The following FSD1L variants were observed in gnomAD, a reference collection of about 807,000 sequenced individuals.
The protein encoded by FSD1L is FSD1-like protein.
A neutral mutation model predicts 71.6 loss-of-function variants in FSD1L; 45 were observed. The ratio of observed to expected loss-of-function variants is 0.63; its 90% CI spans 0.49 to 0.81. The LOEUF (loss-of-function observed/expected upper bound fraction) is 0.81, where lower values mean the gene tolerates loss of function less well. Ranked by LOEUF, FSD1L falls within the 30% of genes least tolerant of loss-of-function variation. FSD1L has a pLI of 0.00. For synonymous variants in FSD1L, 197 were observed against 207.2 expected (o/e 0.95, Z 0.42); for missense variants, 561 against 618.1 (o/e 0.91, Z 0.98).
chr9:105,508,323 G>A (rs1460206827), intron 8 of FSD1L, among the ~76,000 whole-genome samples: 1 of 151,642 alleles, frequency 6.6e-6, no homozygotes, highest in Non-Finnish European at 1.5e-5. Context: ...GACTACAGGC[G>A]CCCGCCACCA....
intron 10 of FSD1L, chr9:105,524,842 C>G: frequency 8.8e-6 from 14 of 1,591,696 alleles, no homozygotes; most frequent in Non-Finnish European, 1.2e-5. Context: ...GCTATGCTAA[C>G]AAGTCAGGTG....
chr9:105,461,663 CA>C, intron 2 of FSD1L, 48 bp downstream of exon 2: 1 of 1,129,822 alleles, frequency 8.9e-7, no homozygotes, highest in Non-Finnish European at 1.3e-6. Context: ...AGATCTGATT[CA>C]AAATTAGAGC....
Position 105,464,340 on chromosome 9 carries a change from G to A in FSD1L, c.207+9G>A, listed in dbSNP as rs1830916517. The A allele has an allele frequency of 7.4e-7, 1 of 1,351,610 alleles. No individual in the cohort carries two copies. The highest frequency in any genetic ancestry group is 2.8e-5 in the Admixed American group (1 of 36,090). 83.7% of individuals were successfully genotyped at this position (1,351,610 alleles called of 1,614,324 possible). On this transcript the variant is annotated intron_variant, in intron 3 of 13. Transcript: ENST00000481272. ...CACTAAAAGGAGTTCAGGTATGATT[G>A]TTTTATGAAAAATTTTGTGTAAATA... is the stretch of plus-strand genomic sequence containing the variant.
intron 7 of FSD1L, among the ~76,000 whole-genome samples, chr9:105,493,945 A>G (rs915812274): frequency 9.9e-5 from 15 of 151,980 alleles, no homozygotes; most frequent in African/African-American, 3.6e-4. Flanking sequence ...TTTTTCCTTC[A>G]TTTCAACCTT....
At chr9:105,502,727 C>T (rs927628235) in intron 7 of FSD1L, among the ~76,000 whole-genome samples, 1 of 151,880 alleles carries the variant, frequency 6.6e-6, no homozygotes, top group African/African-American at 2.4e-5. Context: ...TTTGGGCTTT[C>T]AACAATGGCT....
chr9:105,515,474 T>G lies in FSD1L; in HGVS notation c.1025+2538T>G, dbSNP rs552866075. Among the ~76,000 whole-genome samples the G allele has an allele frequency of 5.0e-4, 76 of 152,262 alleles. 1 individual carries two copies. The highest frequency in any genetic ancestry group is 1.7e-3 in the African/African-American group (72 of 41,562). On this transcript the variant is annotated intron_variant, in intron 10 of 13. Coordinates refer to ENST00000481272, the MANE Select transcript of FSD1L (RefSeq NM_001145313.3). ...GGCAGGTGATTTCTGCATTTCCAAC[T>G]GGGGTACCCGGTTCATCTCATTGGG... is the stretch of plus-strand genomic sequence containing the variant.
chr9:105,495,913 A>G (rs1833360660), intron 7 of FSD1L, among the ~76,000 whole-genome samples: 2 of 151,320 alleles, frequency 1.3e-5, no homozygotes, highest in South Asian at 4.2e-4. Context: ...CGGAGCTTGC[A>G]GTGAGCCGAG....
At chr9:105,538,702 T>C (rs1041297574) in intron 12 of FSD1L, among the ~76,000 whole-genome samples, 2 of 152,108 alleles carry the variant, frequency 1.3e-5, no homozygotes, top group African/African-American at 4.8e-5. Flanking sequence ...TTTGGGAGAC[T>C]GAGGTGGAGG....
chr9:105,526,048 T>C (rs1835486996), intron 10 of FSD1L: 6 of 1,503,248 alleles, frequency 4.0e-6, no homozygotes, highest in Admixed American at 1.7e-5. Flanking sequence ...TATTGTAATA[T>C]ATCCAATGAA....
At chr9:105,491,415 T>C (rs1320060099) in intron 7 of FSD1L, among the ~76,000 whole-genome samples, 1 of 152,130 alleles carries the variant, frequency 6.6e-6, no homozygotes, top group Non-Finnish European at 1.5e-5. Context: ...CAATGGGGTT[T>C]CCTAGATATA....
intron 9 of FSD1L, 118 bp downstream of exon 9, chr9:105,508,833 C>G (rs965435131): frequency 1.5e-5 from 9 of 582,896 alleles, no homozygotes; most frequent in Admixed American, 7.2e-5. Flanking sequence ...TTCTCCTAGC[C>G]TAGCTTTCTC....
At chr9:105,516,989 A>T (rs1423038366) in intron 10 of FSD1L, among the ~76,000 whole-genome samples, 1 of 152,232 alleles carries the variant, frequency 6.6e-6, no homozygotes, top group South Asian at 2.1e-4. Flanking sequence ...AAATGACCCG[A>T]TGGAGCTGAA....
intron 10 of FSD1L, chr9:105,525,322 A>G: frequency 6.2e-7 from 1 of 1,603,834 alleles, no homozygotes; most frequent in Non-Finnish European, 8.5e-7. Context: ...GGGTGTTACT[A>G]GTCCTGAATG....
At chr9:105,541,570 A>AT (rs1001674484) in intron 13 of FSD1L, among the ~76,000 whole-genome samples, 12 of 151,900 alleles carry the variant, frequency 7.9e-5, no homozygotes, top group African/African-American at 2.2e-4. Flanking sequence ...GCTTGTTAAA[A>AT]TTTTTTTTCC....
At chr9:105,516,781 C>T (rs926078332) in intron 10 of FSD1L, among the ~76,000 whole-genome samples, 29 of 152,180 alleles carry the variant, frequency 1.9e-4, no homozygotes, top group African/African-American at 7.0e-4. Context: ...CAAAGGATCA[C>T]AGCTCCTTGC....
In FSD1L at chr9:105,475,423, A is replaced by G. The variant is rs533745629; in HGVS notation, c.441+3418A>G. Reference sequence around the variant, plus strand: ...ATGATTCGCCTGTAGAATATTGTCCATTGAGTGTTAGGCTCTGACCACTGG... The same window carrying G: ...ATGATTCGCCTGTAGAATATTGTCCGTTGAGTGTTAGGCTCTGACCACTGG... On this transcript the variant is annotated intron_variant, in intron 5 of 13. Transcript: ENST00000481272. 2.0e-5 allele frequency among the ~76,000 whole-genome samples: 3 copies of G among 152,152 alleles called. No individual in the cohort carries two copies. In the South Asian group the frequency reaches 6.2e-4, roughly 32 times the overall value.
chr9:105,507,675 T>C (rs1053206994), intron 8 of FSD1L, among the ~76,000 whole-genome samples: 8 of 152,190 alleles, frequency 5.3e-5, no homozygotes, highest in Non-Finnish European at 1.2e-4. Context: ...AAACGTTTCA[T>C]AAATATAAAA....
chr9:105,513,978 G>A (rs771121430), intron 10 of FSD1L, among the ~76,000 whole-genome samples: 8 of 151,974 alleles, frequency 5.3e-5, no homozygotes, highest in Admixed American at 3.3e-4. Flanking sequence ...TTATAGCTTC[G>A]CTTTTATTTG....
At chr9:105,449,133 A>T (rs1016384074) in intron 1 of FSD1L, among the ~76,000 whole-genome samples, 1 of 152,204 alleles carries the variant, frequency 6.6e-6, no homozygotes, top group African/African-American at 2.4e-5. Context: ...TATCTAAGAG[A>T]CTATTCTTTT....
Sources: allele counts gnomAD v4.1 joint callset (sites outside exome capture counted in the v4.1 genomes callset), GRCh38; gene constraint gnomAD v4.1.1; transcripts MANE v1.5; gene names NCBI Gene and HGNC (gene_info 2026-07-23, HGNC 2026-07-21).